DDC: variants seen among roughly 807,000 people sequenced by gnomAD.
DDC encodes the protein aromatic-L-amino-acid decarboxylase.
A neutral mutation model predicts 60.0 loss-of-function variants in DDC; 43 were observed. The ratio of observed to expected loss-of-function variants is 0.72; its 90% CI spans 0.56 to 0.92. DDC has a LOEUF of 0.92. Among genes scored for constraint, DDC ranks in the 40% least tolerant of loss-of-function variants. DDC has a pLI of 0.00. For synonymous variants in DDC, 232 were observed against 234.6 expected (o/e 0.99, Z 0.10); for missense variants, 573 against 620.2 (o/e 0.92, Z 0.81).
intron 6 of DDC, among the ~76,000 whole-genome samples, chr7:50,504,305 T>C (rs370639154): frequency 1.4e-4 from 22 of 152,322 alleles, no homozygotes; most frequent in East Asian, 9.6e-4. Context: ...AACCGGGAAG[T>C]TGCAAAAGAT....
chr7:50,492,981 T>C (rs764211695), intron 9 of DDC: 6 of 1,598,262 alleles, frequency 3.8e-6, no homozygotes, highest in Middle Eastern at 3.3e-4. Context: ...TCTTCAGCCT[T>C]AACATACGCA....
At chr7:50,537,826 A>G in intron 4 of DDC, 34 bp downstream of exon 4, 6 of 1,614,036 alleles carry the variant, frequency 3.7e-6, no homozygotes, top group Non-Finnish European at 5.1e-6. Context: ...GAGCCCATGC[A>G]TCCCAAAAGT....
chr7:50,495,354 T>C lies in DDC; in HGVS notation c.940A>G (p.Met314Val), dbSNP rs371470698. 1.2e-6 allele frequency: 2 copies of C among 1,612,284 alleles called. No individual in the cohort carries two copies. The highest frequency in any genetic ancestry group is 1.7e-6 in the Non-Finnish European group (2 of 1,178,700). The change falls in exon 9 of 15, where the codon ATG becomes GTG. Residue 314 changes from methionine to valine, a missense_variant. Met to Val is a conservative substitution (Grantham distance 21, BLOSUM62 1). Transcript: ENST00000444124. ...TCTGTGAGCAGGGAAACTTACCACATGGCAGAACAGTCAAAATTCACCAAT... is the reference window on the plus strand; with the variant it reads ...TCTGTGAGCAGGGAAACTTACCACACGGCAGAACAGTCAAAATTCACCAAT... ...WLLVNFDCSA[M>V]WVKKRTDLTG...
chr7:50,505,409 G>A (rs1164700143), intron 6 of DDC, among the ~76,000 whole-genome samples: 4 of 152,238 alleles, frequency 2.6e-5, no homozygotes, highest in African/African-American at 9.6e-5. Context: ...GTGTGGAATA[G>A]AATTAAATTT....
intron 14 of DDC, among the ~76,000 whole-genome samples, chr7:50,462,226 C>CAAAAAAAAAAAGAAA (rs2042290673): frequency 1.3e-5 from 1 of 75,380 alleles, no homozygotes; most frequent in Non-Finnish European, 2.4e-5. Flanking sequence ...GACAAAAAGA[C>CAAAAAAAAAAAGAAA]AAAAAAAAAA....
At chr7:50,480,991 GAC>G (rs1457532937) in intron 9 of DDC, among the ~76,000 whole-genome samples, 1 of 152,206 alleles carries the variant, frequency 6.6e-6, no homozygotes, top group Admixed American at 6.5e-5. Context: ...GCAGTGTGGT[GAC>G]ACCATCACAA....
At chr7:50,487,831 T>C (rs1031410957) in intron 9 of DDC, among the ~76,000 whole-genome samples, 5 of 152,184 alleles carry the variant, frequency 3.3e-5, no homozygotes, top group African/African-American at 9.6e-5. Flanking sequence ...ATTGTTTAGA[T>C]TTATTGGTCA....
intron 13 of DDC, 99 bp downstream of exon 13, chr7:50,467,115 G>A: frequency 9.1e-7 from 1 of 1,097,992 alleles, no homozygotes; most frequent in Non-Finnish European, 1.4e-6. Flanking sequence ...TGCCATCTCT[G>A]GAGAGCCAGT....
At chr7:50,540,073 G>T in intron 2 of DDC, 45 bp from the exon 3 acceptor site, 1 of 1,491,222 alleles carries the variant, frequency 6.7e-7, no homozygotes, top group Non-Finnish European at 9.3e-7. Flanking sequence ...AGGAAAGCCA[G>T]GCCTCAAGAG....
At chr7:50,523,964 A>G (rs1303888127) in intron 6 of DDC, among the ~76,000 whole-genome samples, 1 of 152,262 alleles carries the variant, frequency 6.6e-6, no homozygotes, top group South Asian at 2.1e-4. Context: ...TGGCGTGTTC[A>G]TATCAGAAAA....
chr7:50,507,430 C>T (rs984684779), intron 6 of DDC, among the ~76,000 whole-genome samples: 7 of 152,102 alleles, frequency 4.6e-5, no homozygotes, highest in Admixed American at 1.3e-4. Context: ...CGGGGTTTCA[C>T]CATGTTGGCT....
At chr7:50,528,063 AT>A (rs557987417) in intron 6 of DDC, 73 bp downstream of exon 6, 553 of 1,519,468 alleles carry the variant, frequency 3.6e-4, no homozygotes, top group Middle Eastern at 9.6e-4. Context: ...TGCCCGGCTA[AT>A]TTTTTTTTGT....
chr7:50,559,020 A>T (rs541601983), intron 1 of DDC, among the ~76,000 whole-genome samples: 1 of 152,346 alleles, frequency 6.6e-6, no homozygotes, highest in African/African-American at 2.4e-5. Flanking sequence ...CCCCAAGAGA[A>T]GTGCCTCTCC....
At chr7:50,485,135 G>GA (rs927379812) in intron 9 of DDC, among the ~76,000 whole-genome samples, 14 of 150,104 alleles carry the variant, frequency 9.3e-5, no homozygotes, top group Non-Finnish European at 1.6e-4. Context: ...AACATTTTGG[G>GA]AAAAAAAAAC....
At chr7:50,507,779 G>C (rs1295939071) in intron 6 of DDC, among the ~76,000 whole-genome samples, 1 of 152,160 alleles carries the variant, frequency 6.6e-6, no homozygotes, top group East Asian at 1.9e-4. Flanking sequence ...CAGTGGCCTA[G>C]GTTGAGAATA....
chr7:50,521,080 A>G (rs947914765), intron 6 of DDC, among the ~76,000 whole-genome samples: 2 of 152,090 alleles, frequency 1.3e-5, no homozygotes, highest in African/African-American at 4.8e-5. Context: ...ACAGGTTAAG[A>G]AAAAAGACAC....
chr7:50,481,690 AAG>A (rs1249909358), intron 9 of DDC, among the ~76,000 whole-genome samples: 1 of 152,228 alleles, frequency 6.6e-6, no homozygotes, highest in African/African-American at 2.4e-5. Context: ...TGTCCCACAC[AAG>A]AGGCCACAAG....
At chr7:50,535,923 T>C (rs2044390983) in intron 4 of DDC, among the ~76,000 whole-genome samples, 1 of 152,118 alleles carries the variant, frequency 6.6e-6, no homozygotes, top group South Asian at 2.1e-4. Context: ...CTTTCCGATC[T>C]TATATGTGGT....
intron 6 of DDC, among the ~76,000 whole-genome samples, chr7:50,525,436 C>T (rs2153544925): frequency 6.6e-6 from 1 of 152,306 alleles, no homozygotes; most frequent in Non-Finnish European, 1.5e-5. Context: ...TTTGTGCTAA[C>T]TTTGTAATTT....
Sources: gnomAD v4.1 joint callset for allele counts (sites outside exome capture counted in the v4.1 genomes callset) on GRCh38, gnomAD v4.1.1 for gene constraint, MANE v1.5 for transcripts, NCBI Gene and HGNC (gene_info 2026-07-23, HGNC 2026-07-21) for gene names.